The following RSPO3 variants were observed in gnomAD, a reference collection of about 807,000 sequenced individuals.
The protein encoded by RSPO3 is R-spondin 3, also known as R-spondin-3.
RSPO3 carries 17 observed loss-of-function variants against 36.5 expected under a neutral mutation model. The ratio of observed to expected loss-of-function variants is 0.47; its 90% confidence interval spans 0.32 to 0.70. RSPO3 has a LOEUF of 0.70. Ranked by LOEUF, RSPO3 falls within the 30% of genes least tolerant of loss-of-function variation. The pLI, the probability that RSPO3 is intolerant of heterozygous loss-of-function variation, is 0.04. For synonymous variants in RSPO3, 108 were observed against 107.0 expected (o/e 1.01, Z -0.06); for missense variants, 294 against 322.5 (o/e 0.91, Z 0.68).
chr6:127,156,349 G>A (rs1774597973), intron 4 of RSPO3, among the ~76,000 whole-genome samples: 1 of 151,802 alleles, frequency 6.6e-6, no homozygotes, highest in Non-Finnish European at 1.5e-5. Context: ...GATCCTTTAG[G>A]GTGAATAAAC....
At chr6:127,173,030 A>G (rs1490251292) in intron 4 of RSPO3, among the ~76,000 whole-genome samples, 2 of 151,798 alleles carry the variant, frequency 1.3e-5, no homozygotes. Flanking sequence ...TGTGTTCAAG[A>G]GGATCATTTA....
rs561477585 is a variant in RSPO3 at position 127,197,555 on chromosome 6, C to A, written c.*1548C>A. On this transcript the variant is annotated 3_prime_UTR_variant, in exon 5 of 5. Coordinates refer to ENST00000356698, the MANE Select transcript of RSPO3 (RefSeq NM_032784.5). ...TGACCCACCTTAACCTTCCTGTTGT[C>A]ATGGAAGGATGCACGGCTGCTCTGT... The A allele has an allele frequency of 1.9e-5, 30 of 1,548,384 alleles. No homozygotes were observed. Among genetic ancestry groups the A allele is most frequent in the Non-Finnish European group, 2.5e-5 (29 of 1,146,154 alleles).
intron 1 of RSPO3, among the ~76,000 whole-genome samples, chr6:127,140,031 G>A (rs1406929183): frequency 6.6e-6 from 1 of 152,076 alleles, no homozygotes; most frequent in African/African-American, 2.4e-5. Flanking sequence ...TTGGTCACAG[G>A]AAAGTTCATA....
intron 4 of RSPO3, among the ~76,000 whole-genome samples, chr6:127,195,456 A>G (rs535008664): frequency 1.3e-5 from 2 of 152,372 alleles, no homozygotes; most frequent in African/African-American, 4.8e-5. Flanking sequence ...GGCGTAAGCC[A>G]CCAGGCCCAG....
chr6:127,173,569 G>T (rs1033099942), intron 4 of RSPO3, among the ~76,000 whole-genome samples: 3 of 151,792 alleles, frequency 2.0e-5, no homozygotes, highest in Non-Finnish European at 2.9e-5. Flanking sequence ...TCAAAGGCTT[G>T]GATTTTCTAC....
intron 4 of RSPO3, among the ~76,000 whole-genome samples, chr6:127,189,540 C>A (rs1286424624): frequency 6.6e-6 from 1 of 152,108 alleles, no homozygotes; most frequent in Non-Finnish European, 1.5e-5. Flanking sequence ...TCAGTGCCTT[C>A]CAATCATTAT....
chr6:127,159,100 T>G (rs1774653350), intron 4 of RSPO3, among the ~76,000 whole-genome samples: 1 of 152,128 alleles, frequency 6.6e-6, no homozygotes, highest in Admixed American at 6.6e-5. Flanking sequence ...CCATCTCAGA[T>G]AAGGAAAACT....
intron 4 of RSPO3, among the ~76,000 whole-genome samples, chr6:127,194,863 C>T (rs1232693343): frequency 6.6e-6 from 1 of 152,178 alleles, no homozygotes; most frequent in East Asian, 1.9e-4. Flanking sequence ...TAAATATCTA[C>T]TCATTTGCTG....
At position 127,199,299 on chromosome 6, in the gene RSPO3, AAATG is replaced by A. The variant is rs539449602; in HGVS notation, c.*3296_*3299del. On this transcript the variant is annotated 3_prime_UTR_variant, in exon 5 of 5. Coordinates refer to ENST00000356698, the MANE Select transcript of RSPO3 (RefSeq NM_032784.5). ...ATATAATAATAAATATTTTGTATAT[AAATG>A]AATATCAATTAAAAGTTATGACTAA... Among the ~76,000 whole-genome samples the A allele has an allele frequency of 3.9e-5, 6 of 152,202 alleles. No homozygotes were observed. Among genetic ancestry groups the A allele is most frequent in the Non-Finnish European group, 7.3e-5 (5 of 68,036 alleles).
At chr6:127,123,743 T>C (rs758510303) in intron 1 of RSPO3, among the ~76,000 whole-genome samples, 2 of 152,078 alleles carry the variant, frequency 1.3e-5, no homozygotes, top group African/African-American at 2.4e-5. Context: ...CCTTTAAACA[T>C]GAAATATGAA....
chr6:127,154,878 A>G (rs1399536068), intron 3 of RSPO3, among the ~76,000 whole-genome samples: 3 of 152,164 alleles, frequency 2.0e-5, no homozygotes, highest in Admixed American at 1.3e-4. Context: ...AGCACATAGT[A>G]TAACAACTGT....
chr6:127,170,236 T>C (rs751925944), intron 4 of RSPO3, among the ~76,000 whole-genome samples: 4 of 151,754 alleles, frequency 2.6e-5, no homozygotes, highest in Non-Finnish European at 5.9e-5. Context: ...AAAAAAATTG[T>C]TTTAAAATGG....
At chr6:127,147,575 C>T (rs940352874) in intron 1 of RSPO3, among the ~76,000 whole-genome samples, 4 of 152,006 alleles carry the variant, frequency 2.6e-5, no homozygotes, top group East Asian at 1.9e-4. Flanking sequence ...GAGAAACATC[C>T]GTTAGTCAGT....
intron 1 of RSPO3, 136 bp downstream of exon 1, chr6:127,119,425 C>T (rs1562237416): frequency 1.5e-6 from 1 of 672,216 alleles, no homozygotes; most frequent in East Asian, 2.6e-5. Flanking sequence ...CAGGTTCGGG[C>T]TTTGGGGGTA....
chr6:127,145,560 T>C (rs538575824), intron 1 of RSPO3, among the ~76,000 whole-genome samples: 1 of 152,298 alleles, frequency 6.6e-6, no homozygotes, highest in East Asian at 1.9e-4. Flanking sequence ...CCACTACTTA[T>C]GCACCAGTTG....
At chr6:127,130,995 G>C (rs565034205) in intron 1 of RSPO3, among the ~76,000 whole-genome samples, 15 of 152,166 alleles carry the variant, frequency 9.9e-5, no homozygotes, top group African/African-American at 3.1e-4. Context: ...CACAAAGACT[G>C]AATATAATTT....
At position 127,182,793 on chromosome 6, in the gene RSPO3, T is replaced by C. The variant is rs558549970; in HGVS notation, c.635-13030T>C. Reference sequence around the variant, plus strand: ...GAAACTCAAGGGGAAGTCAGGCTTCTGAGACTGTGTAGTGCCACTTCAAAA... The same window carrying C: ...GAAACTCAAGGGGAAGTCAGGCTTCCGAGACTGTGTAGTGCCACTTCAAAA... On this transcript the variant is annotated intron_variant, in intron 4 of 4. Transcript: ENST00000356698. Among the ~76,000 whole-genome samples, 3 of 152,080 alleles carry C rather than the reference T, an allele frequency of 2.0e-5. No individual in the cohort carries two copies. In the East Asian group the frequency reaches 5.8e-4, roughly 30 times the overall value.
intron 4 of RSPO3, among the ~76,000 whole-genome samples, chr6:127,172,695 T>G (rs779013899): frequency 7.2e-5 from 11 of 151,796 alleles, no homozygotes; most frequent in Non-Finnish European, 1.6e-4. Context: ...ATAATAATAT[T>G]ATTTGTTTAA....
intron 4 of RSPO3, among the ~76,000 whole-genome samples, chr6:127,195,603 CA>C (rs1408547049): frequency 6.6e-6 from 1 of 152,116 alleles, no homozygotes; most frequent in East Asian, 1.9e-4. Context: ...TTCAAACAGT[CA>C]TATGTTAGTT....
Sources: gnomAD v4.1 joint callset for allele counts (sites outside exome capture counted in the v4.1 genomes callset) on GRCh38, gnomAD v4.1.1 for gene constraint, MANE v1.5 for transcripts, NCBI Gene and HGNC (gene_info 2026-07-23, HGNC 2026-07-21) for gene names.